The following ADGRL3 variants were observed in gnomAD, a reference collection of about 807,000 sequenced individuals.
ADGRL3 encodes the protein adhesion G protein-coupled receptor L3.
Under a neutral mutation model 153.5 loss-of-function variants are expected in ADGRL3, and 62 were observed. That is an observed-to-expected ratio of 0.40 (90% CI 0.33 to 0.50). The LOEUF (loss-of-function observed/expected upper bound fraction) is 0.50, where lower values mean the gene tolerates loss of function less well. ADGRL3 is among the 20% of genes least tolerant of loss of function. ADGRL3 has a pLI of 0.47. For synonymous variants in ADGRL3, 710 were observed against 672.5 expected (o/e 1.06, Z -0.86); for missense variants, 1,641 against 1,859.4 (o/e 0.88, Z 2.16).
intron 5 of ADGRL3, among the ~76,000 whole-genome samples, chr4:61,597,040 T>C (rs1437195074): frequency 6.6e-6 from 1 of 152,022 alleles, no homozygotes; most frequent in Non-Finnish European, 1.5e-5. Context: ...TTTTTTTTTT[T>C]CATGCATAAG....
At chr4:61,772,919 AT>A (rs1296421117) in intron 8 of ADGRL3, among the ~76,000 whole-genome samples, 1 of 152,126 alleles carries the variant, frequency 6.6e-6, no homozygotes, top group African/African-American at 2.4e-5. Context: ...ATGTTTTAAA[AT>A]ATTATGTTTA....
At chr4:61,952,886 G>T (rs1028633975) in intron 17 of ADGRL3, among the ~76,000 whole-genome samples, 2 of 152,150 alleles carry the variant, frequency 1.3e-5, no homozygotes, top group African/African-American at 2.4e-5. Context: ...TAACAGTCAT[G>T]ACTGTGACCA....
At chr4:61,722,364 A>G in intron 6 of ADGRL3, among the ~76,000 whole-genome samples, 1 of 152,170 alleles carries the variant, frequency 6.6e-6, no homozygotes, top group Admixed American at 6.5e-5. Flanking sequence ...AGAGAATAGA[A>G]CAACAAAACC....
chr4:61,747,847 G>T (rs2096689818), intron 8 of ADGRL3, among the ~76,000 whole-genome samples: 2 of 151,940 alleles, frequency 1.3e-5, no homozygotes, highest in Admixed American at 6.6e-5. Context: ...AGTGTTGGAA[G>T]TTCTGGTCAG....
chr4:61,610,810 T>C (rs2091240247), intron 5 of ADGRL3, among the ~76,000 whole-genome samples: 1 of 152,132 alleles, frequency 6.6e-6, no homozygotes, highest in Non-Finnish European at 1.5e-5. Flanking sequence ...TTTTTTTCTT[T>C]TAAACTAGAA....
At chr4:61,757,069 G>A (rs1317079824) in intron 8 of ADGRL3, among the ~76,000 whole-genome samples, 2 of 152,122 alleles carry the variant, frequency 1.3e-5, no homozygotes, top group Non-Finnish European at 2.9e-5. Flanking sequence ...AGAGATATTG[G>A]TCTAAAATTC....
intron 9 of ADGRL3, among the ~76,000 whole-genome samples, chr4:61,847,456 G>C (rs2098130190): frequency 6.7e-6 from 1 of 148,340 alleles, no homozygotes. Flanking sequence ...CAAACCTAAG[G>C]GGCAGGGTAT....
chr4:61,920,167 A>G (rs2098762106), intron 13 of ADGRL3, among the ~76,000 whole-genome samples: 1 of 152,208 alleles, frequency 6.6e-6, no homozygotes, highest in Non-Finnish European at 1.5e-5. Flanking sequence ...TTAAATACAT[A>G]GAATATAAAT....
intron 19 of ADGRL3, among the ~76,000 whole-genome samples, chr4:61,985,186 C>T (rs553870325): frequency 6.6e-6 from 1 of 151,716 alleles, no homozygotes; most frequent in East Asian, 1.9e-4. Flanking sequence ...AATTGCATTG[C>T]CTGTGGTTAT....
At chr4:61,833,690 C>T (rs1311492708) in intron 9 of ADGRL3, among the ~76,000 whole-genome samples, 1 of 152,106 alleles carries the variant, frequency 6.6e-6, no homozygotes, top group Non-Finnish European at 1.5e-5. Context: ...TTGTAGCCTC[C>T]AGCTGCATGA....
At chr4:61,468,838 C>G (rs1008823386) in intron 2 of ADGRL3, among the ~76,000 whole-genome samples, 7 of 152,048 alleles carry the variant, frequency 4.6e-5, no homozygotes, top group African/African-American at 1.7e-4. Context: ...TTAGTTTTAT[C>G]GATATAACCA....
At chr4:61,281,921 A>G (rs2093738651) in intron 1 of ADGRL3, among the ~76,000 whole-genome samples, 1 of 152,140 alleles carries the variant, frequency 6.6e-6, no homozygotes. Context: ...CAATGTGAAT[A>G]TACCTTCCAA....
chr4:61,687,163 T>G (rs2095461854), intron 6 of ADGRL3, among the ~76,000 whole-genome samples: 1 of 151,838 alleles, frequency 6.6e-6, no homozygotes, highest in African/African-American at 2.4e-5. Flanking sequence ...TTTAATAAAA[T>G]CCAAAGTCAA....
At position 61,532,566 on chromosome 4, in the gene ADGRL3, G is replaced by GTGTA. The variant is rs757979805; in HGVS notation, c.259+15051_259+15052insATGT. 3.2e-4 allele frequency among the ~76,000 whole-genome samples: 48 copies of GTGTA among 150,502 alleles called. No homozygotes were observed. In the East Asian group the frequency reaches 6.4e-3, roughly 20 times the overall value. On this transcript the variant is annotated intron_variant, in intron 4 of 26. Transcript: ENST00000683033. ...CGCGCGCGCGCGCGCGTGTGTGTGT[G>GTGTA]TGTGTGTGTTTAAGGAATTCAACTG...
chr4:61,789,549 CTTCAAT>C (rs1205954185), intron 8 of ADGRL3, among the ~76,000 whole-genome samples: 1 of 152,054 alleles, frequency 6.6e-6, no homozygotes, highest in African/African-American at 2.4e-5. Context: ...GTTCCATTTG[CTTCAAT>C]TTTCTAATTA....
intron 2 of ADGRL3, among the ~76,000 whole-genome samples, chr4:61,398,328 T>C (rs1342431102): frequency 1.3e-5 from 2 of 151,770 alleles, no homozygotes; most frequent in African/African-American, 4.8e-5. Flanking sequence ...TCATTAAATA[T>C]CATGGAGTGA....
rs1335105053 is a variant in ADGRL3 at position 61,517,351 on chromosome 4, C to T, written c.92C>T (p.Ala31Val). Residue 31 changes from alanine to valine, a missense_variant, in exon 4 of 27, where the codon GCT (alanine) becomes GTT (valine). Around this residue, in one of 5 missense-constraint regions of ADGRL3, gnomAD observed 145 missense variants for 79.1 expected, o/e 1.83. Coordinates refer to ENST00000683033, the MANE Select transcript of ADGRL3 (RefSeq NM_001387552.1). ...AGTGAACGACATCCTGCCCTTGCTG[C>T]TCCATTGCGACACGCTGAGCGCAGC... ...KHSERHPALA[A>V]PLRHAERSPG... 2.8e-6 allele frequency: 2 copies of T among 704,520 alleles called. No individual in the cohort carries two copies. Among genetic ancestry groups the T allele is most frequent in the Non-Finnish European group, 5.2e-6 (2 of 386,620 alleles). The allele number at this position is 704,520 out of a possible 1,614,324, so 43.6% of individuals were successfully genotyped here.
At chr4:61,697,720 A>G (rs1163057708) in intron 6 of ADGRL3, among the ~76,000 whole-genome samples, 1 of 152,180 alleles carries the variant, frequency 6.6e-6, no homozygotes, top group African/African-American at 2.4e-5. Flanking sequence ...TCAATGTAAC[A>G]AACATCAGCC....
At chr4:61,376,600 A>G (rs1260130657) in intron 1 of ADGRL3, among the ~76,000 whole-genome samples, 1 of 152,016 alleles carries the variant, frequency 6.6e-6, no homozygotes, top group African/African-American at 2.4e-5. Flanking sequence ...GCTCATATGG[A>G]ATTTCCATTT....
Sources: allele counts gnomAD v4.1 joint callset (sites outside exome capture counted in the v4.1 genomes callset), GRCh38; gene constraint gnomAD v4.1.1; regional missense constraint gnomAD v4.1.1; transcripts MANE v1.5; gene names NCBI Gene and HGNC (gene_info 2026-07-23, HGNC 2026-07-21).